PLXNA4: variants seen among roughly 807,000 people sequenced by gnomAD.
The protein encoded by PLXNA4 is plexin-A4.
In PLXNA4, 44 loss-of-function variants were observed where a neutral mutation model predicts 191.8. The observed-to-expected ratio is 0.23, with a 90% CI of 0.18 to 0.29. The LOEUF (loss-of-function observed/expected upper bound fraction) is 0.29, where lower values mean the gene tolerates loss of function less well. Ranked by LOEUF, PLXNA4 falls within the 10% of genes least tolerant of loss-of-function variation. The pLI is 1.00. For missense variants in PLXNA4, 1,800 were observed against 2,488.8 expected (o/e 0.72, Z 5.89); for synonymous variants, 1,082 against 1,009.5 (o/e 1.07, Z -1.36).
intron 9 of PLXNA4, among the ~76,000 whole-genome samples, chr7:132,218,316 G>GA (rs1274108698): frequency 6.6e-6 from 1 of 152,160 alleles, no homozygotes; most frequent in Non-Finnish European, 1.5e-5. Flanking sequence ...TGCCTCCTCT[G>GA]ATCTTACAAC....
At chr7:132,321,592 C>T (rs1802168225) in intron 3 of PLXNA4, among the ~76,000 whole-genome samples, 2 of 152,204 alleles carry the variant, frequency 1.3e-5, no homozygotes, top group Non-Finnish European at 2.9e-5. Flanking sequence ...AATGTTGGTG[C>T]ACCATGTGTG....
chr7:132,616,702 C>T (rs187040545), intron 2 of PLXNA4, among the ~76,000 whole-genome samples: 2 of 152,216 alleles, frequency 1.3e-5, no homozygotes, highest in African/African-American at 2.4e-5. Flanking sequence ...ATAAATATAA[C>T]TCAACATTCT....
In PLXNA4 at chr7:132,124,878, C is replaced by A. The variant is rs1296340312; in HGVS notation, c.*5601G>T. The A allele has an allele frequency of 2.0e-5, 3 of 152,206 alleles. No individual in the cohort carries two copies. The highest frequency in any genetic ancestry group is 4.4e-5 in the Non-Finnish European group (3 of 68,036). The allele number at this position is 152,206 out of a possible 1,614,324, so 9.4% of individuals were successfully genotyped here. A position where few individuals can be genotyped will look rare whatever the true frequency, so the allele number is the denominator to read the frequency against. On this transcript the variant is annotated 3_prime_UTR_variant, in exon 32 of 32. Transcript: ENST00000321063. ...AAGGATTTTGTTTCGTTTTGTTTAA[C>A]TTTGCTTTGCTTTCTGGTAGGCACC...
intron 1 of PLXNA4, among the ~76,000 whole-genome samples, chr7:132,566,519 A>T (rs1801730703): frequency 6.6e-6 from 1 of 152,182 alleles, no homozygotes; most frequent in Non-Finnish European, 1.5e-5. Flanking sequence ...AAGTTTAGGG[A>T]GATGTGTCTT....
At chr7:132,604,649 A>C (rs1802889784) in intron 2 of PLXNA4, among the ~76,000 whole-genome samples, 1 of 152,098 alleles carries the variant, frequency 6.6e-6, no homozygotes. Context: ...TGCCCAGCCA[A>C]CTATCTGACT....
At chr7:132,620,210 C>G (rs529800524) in intron 2 of PLXNA4, among the ~76,000 whole-genome samples, 4 of 152,198 alleles carry the variant, frequency 2.6e-5, no homozygotes, top group Non-Finnish European at 4.4e-5. Context: ...TATGCACGTT[C>G]TCATAATCCC....
chr7:132,441,768 TG>T (rs1795709216), intron 3 of PLXNA4, among the ~76,000 whole-genome samples: 1 of 152,268 alleles, frequency 6.6e-6, no homozygotes, highest in Non-Finnish European at 1.5e-5. Context: ...TCCTATTCCT[TG>T]GCTGCCAGTC....
upstream of PLXNA4, among the ~76,000 whole-genome samples, chr7:132,579,387 C>T: frequency 6.6e-6 from 1 of 151,898 alleles, no homozygotes; most frequent in Non-Finnish European, 1.5e-5. Flanking sequence ...ATTTTTAATA[C>T]AATCTGATTG....
chr7:132,506,392 A>G lies in PLXNA4; in HGVS notation c.1188+1114T>C, dbSNP rs77572738. On this transcript the variant is annotated intron_variant, in intron 2 of 31. Coordinates refer to ENST00000321063, the MANE Select transcript of PLXNA4 (RefSeq NM_020911.2). ...AGTTTAAGGAGTCAAGAATCACATC[A>G]GTATGGATGCGTACTTCTGTCCAAT... 4.0e-3 allele frequency among the ~76,000 whole-genome samples: 615 copies of G among 152,376 alleles called. 4 individuals are homozygous for G. Among genetic ancestry groups the G allele is most frequent in the African/African-American group, 0.014 (593 of 41,590 alleles).
chr7:132,488,063 T>G (rs894733798), intron 3 of PLXNA4, among the ~76,000 whole-genome samples: 3 of 152,222 alleles, frequency 2.0e-5, no homozygotes, highest in African/African-American at 7.2e-5. Flanking sequence ...TGGTACATCA[T>G]GGACACCATT....
intron 30 of PLXNA4, among the ~76,000 whole-genome samples, chr7:132,134,274 C>CCCTAT (rs1368368802): frequency 5.3e-5 from 8 of 152,212 alleles, no homozygotes; most frequent in African/African-American, 1.9e-4. Flanking sequence ...TCTTTCCCAG[C>CCCTAT]CCTATCCTTC....
At chr7:132,482,991 G>A (rs1166891697) in intron 3 of PLXNA4, among the ~76,000 whole-genome samples, 7 of 152,020 alleles carry the variant, frequency 4.6e-5, no homozygotes, top group Admixed American at 1.3e-4. Flanking sequence ...GCGCCCGGCC[G>A]AGAGACCTCT....
chr7:132,633,559 G>A lies in PLXNA4; in HGVS notation c.-87+12369C>T, dbSNP rs950984113. On this transcript the variant is annotated intron_variant, in intron 2 of 4. Transcript: ENST00000378539. ...GCCTTCCAAAGTGCTGGGATTACAG[G>A]CGTAAGCCACCACCCCCCACCAAGG... Among the ~76,000 whole-genome samples, 7 of 152,298 alleles carry A rather than the reference G, an allele frequency of 4.6e-5. No individual in the cohort carries two copies. The South Asian group carries it at 1.0e-3, about 23-fold the overall frequency.
intron 25 of PLXNA4, among the ~76,000 whole-genome samples, chr7:132,156,145 C>CACAA (rs1205434046): frequency 7.3e-6 from 1 of 136,124 alleles, no homozygotes; most frequent in Non-Finnish European, 1.6e-5. Context: ...TACACACACA[C>CACAA]ACACACACAC....
intron 3 of PLXNA4, among the ~76,000 whole-genome samples, chr7:132,396,678 G>A (rs1461488707): frequency 6.6e-6 from 1 of 152,170 alleles, no homozygotes; most frequent in African/African-American, 2.4e-5. Context: ...TTTTGGTAGA[G>A]GACGGGGCTT....
chr7:132,577,432 C>CCCTGCCG (rs1463869252), upstream of PLXNA4: 2 of 147,834 alleles, frequency 1.4e-5, no homozygotes, highest in East Asian at 4.2e-4. Context: ...CTCCTCTCCT[C>CCCTGCCG]CCTGCCGCCC....
intron 3 of PLXNA4, among the ~76,000 whole-genome samples, chr7:132,463,005 G>A (rs1422480318): frequency 2.6e-5 from 4 of 151,624 alleles, no homozygotes; most frequent in East Asian, 3.9e-4. Flanking sequence ...ACACAACACC[G>A]TGCCCAGCTA....
At chr7:132,623,310 C>T (rs1803307202) in intron 2 of PLXNA4, among the ~76,000 whole-genome samples, 1 of 151,358 alleles carries the variant, frequency 6.6e-6, no homozygotes, top group Admixed American at 6.6e-5. Context: ...CACACCATTG[C>T]ACTCCAGCCT....
At chr7:132,412,172 T>A (rs1407707853) in intron 3 of PLXNA4, among the ~76,000 whole-genome samples, 1 of 152,228 alleles carries the variant, frequency 6.6e-6, no homozygotes, top group African/African-American at 2.4e-5. Flanking sequence ...AACTTGATTA[T>A]CCTCTATTTC....
Sources: gnomAD v4.1 joint callset for allele counts (sites outside exome capture counted in the v4.1 genomes callset) on GRCh38, gnomAD v4.1.1 for gene constraint, MANE v1.5 for transcripts, NCBI Gene and HGNC (gene_info 2026-07-23, HGNC 2026-07-21) for gene names.